SAMD12: variants seen among roughly 807,000 people sequenced by gnomAD.
SAMD12 encodes the protein sterile alpha motif domain containing 12.
SAMD12 carries 9 observed loss-of-function variants against 15.0 expected under a neutral mutation model. The ratio of observed to expected loss-of-function variants is 0.60; its 90% CI spans 0.36 to 1.05. The LOEUF (loss-of-function observed/expected upper bound fraction) is 1.05, where lower values mean the gene tolerates loss of function less well. SAMD12 is among the 50% of genes least tolerant of loss of function. SAMD12 has a pLI of 0.01. For missense variants in SAMD12, 230 were observed against 234.2 expected, an observed-to-expected ratio of 0.98 and a Z score of 0.12; for synonymous variants, 86 against 90.1, an observed-to-expected ratio of 0.96 and a Z score of 0.25.
chr8:118,268,050 C>T (rs1235442994), intron 4 of SAMD12, among the ~76,000 whole-genome samples: 3 of 152,164 alleles, frequency 2.0e-5, no homozygotes, highest in East Asian at 1.9e-4. Context: ...CGAGATCATG[C>T]CATTGCACTC....
chr8:118,550,313 G>C (rs1826284201), intron 2 of SAMD12, among the ~76,000 whole-genome samples: 2 of 152,234 alleles, frequency 1.3e-5, no homozygotes, highest in Admixed American at 6.5e-5. Context: ...AAGCCCATCA[G>C]ACTAACAGTG....
At chr8:118,575,142 T>C (rs960456641) in intron 2 of SAMD12, among the ~76,000 whole-genome samples, 2 of 152,160 alleles carry the variant, frequency 1.3e-5, no homozygotes, top group Admixed American at 1.3e-4. Flanking sequence ...AGCTTTCTCC[T>C]CCTCCTGCCT....
chr8:118,351,442 G>A (rs2130597902), intron 4 of SAMD12, among the ~76,000 whole-genome samples: 1 of 152,256 alleles, frequency 6.6e-6, no homozygotes, highest in South Asian at 2.1e-4. Context: ...GAAAAGAAAG[G>A]AACTTGCCCA....
At chr8:118,297,865 T>C (rs1000484825) in intron 4 of SAMD12, among the ~76,000 whole-genome samples, 2 of 152,192 alleles carry the variant, frequency 1.3e-5, no homozygotes, top group Non-Finnish European at 2.9e-5. Context: ...ATTTTTATCA[T>C]AATACAGAAA....
chr8:118,258,614 C>A (rs1813007162), intron 4 of SAMD12, among the ~76,000 whole-genome samples: 1 of 152,144 alleles, frequency 6.6e-6, no homozygotes, highest in African/African-American at 2.4e-5. Flanking sequence ...CCATTACCCC[C>A]CCTCATATGA....
intron 4 of SAMD12, among the ~76,000 whole-genome samples, chr8:118,295,868 C>A (rs3900914): frequency 0.18 from 27,757 of 151,954 alleles, 2,626 homozygotes; most frequent in Middle Eastern, 0.21. Context: ...TGATTTTGAA[C>A]TCCTGGCCTC....
intron 2 of SAMD12, among the ~76,000 whole-genome samples, chr8:118,511,459 T>C (rs1027481964): frequency 4.6e-5 from 7 of 152,128 alleles, no homozygotes; most frequent in Admixed American, 3.9e-4. Flanking sequence ...TTTGTTTTTT[T>C]TTTAAATGTA....
chr8:118,433,323 T>C (rs184211359), intron 3 of SAMD12, among the ~76,000 whole-genome samples: 1 of 152,328 alleles, frequency 6.6e-6, no homozygotes, highest in Non-Finnish European at 1.5e-5. Context: ...AGATATAAAT[T>C]ACATTCTCCA....
chr8:118,317,970 G>A (rs1586510748), intron 4 of SAMD12, among the ~76,000 whole-genome samples: 1 of 152,142 alleles, frequency 6.6e-6, no homozygotes, highest in East Asian at 1.9e-4. Context: ...CTAAACATCA[G>A]GAAAATGCAA....
intron 4 of SAMD12, among the ~76,000 whole-genome samples, chr8:118,343,195 C>T (rs1408244396): frequency 2.0e-5 from 3 of 152,018 alleles, no homozygotes; most frequent in African/African-American, 7.3e-5. Context: ...TTCCCCAGTT[C>T]TCCTCTACTC....
At position 118,418,398 on chromosome 8, in the gene SAMD12, G is replaced by C. The variant is rs545662133; in HGVS notation, c.322+21434C>G. Among the ~76,000 whole-genome samples, 6 of 152,202 alleles carry C rather than the reference G, an allele frequency of 3.9e-5. No individual in the cohort carries two copies. In the South Asian group the frequency reaches 1.2e-3, roughly 32 times the overall value. On this transcript the variant is annotated intron_variant, in intron 3 of 3. Coordinates refer to ENST00000314727, the MANE Select transcript of SAMD12 (RefSeq NM_207506.3). ...CAGCCAGAGGTGATAAAGAAGAAGGGATATAGACTGCAAAAGCTCCCCAAA... is the reference window on the plus strand; with the variant it reads ...CAGCCAGAGGTGATAAAGAAGAAGGCATATAGACTGCAAAAGCTCCCCAAA...
chr8:118,205,287 A>T (rs1819830587), intron 4 of SAMD12, among the ~76,000 whole-genome samples: 1 of 152,224 alleles, frequency 6.6e-6, no homozygotes, highest in Non-Finnish European at 1.5e-5. Context: ...ATACATATTT[A>T]TGCATCTTAT....
chr8:118,352,802 G>C (rs915858126), intron 4 of SAMD12, among the ~76,000 whole-genome samples: 2 of 152,116 alleles, frequency 1.3e-5, no homozygotes, highest in Admixed American at 6.5e-5. Flanking sequence ...TAAGGTGCCT[G>C]GTCACTGTAG....
intron 3 of SAMD12, among the ~76,000 whole-genome samples, chr8:118,397,673 G>A (rs1428768945): frequency 2.6e-5 from 4 of 152,018 alleles, no homozygotes; most frequent in Admixed American, 6.5e-5. Flanking sequence ...CAATTCATTC[G>A]AATTATGCTG....
intron 4 of SAMD12, among the ~76,000 whole-genome samples, chr8:118,294,997 CT>C (rs1814630994): frequency 6.6e-6 from 1 of 152,062 alleles, no homozygotes; most frequent in African/African-American, 2.4e-5. Flanking sequence ...GAGGATCCCG[CT>C]TTAGTTCACA....
At chr8:118,380,806 T>C (rs188266464) in intron 3 of SAMD12, among the ~76,000 whole-genome samples, 2 of 152,348 alleles carry the variant, frequency 1.3e-5, no homozygotes, top group Admixed American at 1.3e-4. Flanking sequence ...TTTATGCTTC[T>C]AGTTTCCTTC....
chr8:118,478,870 G>A (rs1824042046), intron 2 of SAMD12, among the ~76,000 whole-genome samples: 1 of 152,158 alleles, frequency 6.6e-6, no homozygotes, highest in Non-Finnish European at 1.5e-5. Context: ...TCCATTATTT[G>A]ACATTAAGCT....
At chr8:118,161,852 T>C in the SAMD12 span, among the ~76,000 whole-genome samples, 1 of 151,610 alleles carries the variant, frequency 6.6e-6, no homozygotes, top group African/African-American at 2.4e-5. Context: ...AAGTAACCTA[T>C]GGTGATAGAA....
At chr8:118,427,897 C>T (rs935178911) in intron 3 of SAMD12, among the ~76,000 whole-genome samples, 2 of 152,170 alleles carry the variant, frequency 1.3e-5, no homozygotes, top group East Asian at 3.9e-4. Flanking sequence ...ATACAACATA[C>T]ATACAAGAGA....
Sources: gnomAD v4.1 joint callset for allele counts (sites outside exome capture counted in the v4.1 genomes callset) on GRCh38, gnomAD v4.1.1 for gene constraint, MANE v1.5 for transcripts, NCBI Gene and HGNC (gene_info 2026-07-23, HGNC 2026-07-21) for gene names.